Variants in NUDT7 observed in about 807,000 individuals in gnomAD.
NUDT7 encodes nudix hydrolase 7.
A neutral mutation model predicts 13.1 loss-of-function variants in NUDT7; 19 were observed. That is an observed-to-expected ratio of 1.45 (90% CI 1.01 to 2.13). The LOEUF (loss-of-function observed/expected upper bound fraction) is 2.13. NUDT7 is among the 30% of genes most tolerant of loss of function. The pLI, the probability that NUDT7 is intolerant of heterozygous loss-of-function variation, is 0.00. For synonymous variants in NUDT7, 132 were observed against 109.7 expected (o/e 1.20, Z -1.27); for missense variants, 360 against 291.7 (o/e 1.23, Z -1.71).
chr16:77,738,744 C>T (rs2014567672), intron 3 of NUDT7, among the ~76,000 whole-genome samples: 1 of 152,206 alleles, frequency 6.6e-6, no homozygotes, highest in South Asian at 2.1e-4. Flanking sequence ...GTACCCGCTA[C>T]ATAAGCCTTC....
intron 2 of NUDT7, among the ~76,000 whole-genome samples, chr16:77,727,397 G>T (rs2014170761): frequency 7.4e-6 from 1 of 135,290 alleles, no homozygotes; most frequent in South Asian, 2.3e-4. Context: ...AAGTAGACTT[G>T]TGTGGATTGT....
intron 3 of NUDT7, chr16:77,737,277 G>A (rs2014517693): frequency 6.6e-6 from 1 of 152,172 alleles, no homozygotes; most frequent in South Asian, 2.1e-4. Flanking sequence ...TCTGGTCTGT[G>A]ATAGTTTATC....
At chr16:77,739,603 CTCA>C (rs2014595631) in intron 3 of NUDT7, among the ~76,000 whole-genome samples, 1 of 152,136 alleles carries the variant, frequency 6.6e-6, no homozygotes, top group Non-Finnish European at 1.5e-5. Context: ...GTATCTCAGT[CTCA>C]TCTGGTGACT....
chr16:77,739,752 C>A (rs537556449), intron 3 of NUDT7, among the ~76,000 whole-genome samples: 3 of 152,262 alleles, frequency 2.0e-5, no homozygotes, highest in Non-Finnish European at 4.4e-5. Flanking sequence ...ATACTGGTAC[C>A]CTTGATACTG....
At chr16:77,729,966 TATTACCACACAC>T (rs2014261540) in intron 2 of NUDT7, among the ~76,000 whole-genome samples, 1 of 118,934 alleles carries the variant, frequency 8.4e-6, no homozygotes, top group Admixed American at 9.1e-5. Flanking sequence ...CATAGTAACA[TATTACCACACAC>T]ATTACCTCAC....
chr16:77,729,002 A>G (rs2145110146), intron 2 of NUDT7, among the ~76,000 whole-genome samples: 1 of 152,274 alleles, frequency 6.6e-6, no homozygotes, highest in Non-Finnish European at 1.5e-5. Flanking sequence ...GGCAAGAGAA[A>G]ATTCAGGAAC....
intron 2 of NUDT7, among the ~76,000 whole-genome samples, chr16:77,730,406 T>C (rs2014284386): frequency 1.3e-5 from 2 of 152,188 alleles, no homozygotes; most frequent in East Asian, 3.8e-4. Context: ...TTACCTAACA[T>C]AATTTCCTCC....
intron 1 of NUDT7, among the ~76,000 whole-genome samples, chr16:77,723,592 C>CT (rs148451618): frequency 0.092 from 11,568 of 125,450 alleles, 875 homozygotes; most frequent in African/African-American, 0.15. Context: ...TTTGTATACA[C>CT]TTTTTTTTTT....
chr16:77,724,108 T>A (rs1011346532), intron 1 of NUDT7, among the ~76,000 whole-genome samples: 4 of 152,120 alleles, frequency 2.6e-5, no homozygotes, highest in African/African-American at 4.8e-5. Context: ...AGGGCCTCAC[T>A]CCCTTAGAAG....
intron 2 of NUDT7, among the ~76,000 whole-genome samples, chr16:77,731,637 A>AT (rs1045189027): frequency 3.3e-5 from 5 of 152,300 alleles, no homozygotes; most frequent in African/African-American, 1.2e-4. Flanking sequence ...TCTTCTACTT[A>AT]TTTTTTAAAA....
intron 2 of NUDT7, among the ~76,000 whole-genome samples, chr16:77,733,960 G>T (rs2014397884): frequency 6.6e-6 from 1 of 152,120 alleles, no homozygotes; most frequent in African/African-American, 2.4e-5. Context: ...AGATATGAGA[G>T]AAATAATTTT....
chr16:77,725,554 C>G lies in NUDT7; in HGVS notation c.159C>G (p.Leu53=). ...LLPLVAKEGK[L]HLLFTVRSEK... is the part of the protein sequence containing the mutation. ...CATTGGTGGCTAAAGAAGGAAAACT[C>G]CATTTGTTGTTCACCGTCCGGTCAG... Residue 53 remains leucine (L), a synonymous_variant, in exon 2 of 4, where the codon CTC becomes CTG. Transcript: ENST00000268533. 3 of 1,614,060 alleles carry G rather than the reference C, an allele frequency of 1.9e-6. No homozygotes were observed. Among genetic ancestry groups the G allele is most frequent in the Non-Finnish European group, 1.7e-6 (2 of 1,180,004 alleles).
chr16:77,729,719 C>T (rs772079327), intron 2 of NUDT7, among the ~76,000 whole-genome samples: 10 of 151,840 alleles, frequency 6.6e-5, no homozygotes, highest in South Asian at 2.1e-4. Flanking sequence ...CAGCTACTCG[C>T]GAGGCTGAGG....
At chr16:77,736,019 T>C in intron 3 of NUDT7, 33 bp downstream of exon 3, 1 of 1,603,638 alleles carries the variant, frequency 6.2e-7, no homozygotes, top group Non-Finnish European at 8.5e-7. Flanking sequence ...ATGAGCACCG[T>C]CCCCACCCCC....
At chr16:77,734,764 C>T (rs1265444068) in intron 2 of NUDT7, among the ~76,000 whole-genome samples, 2 of 152,004 alleles carry the variant, frequency 1.3e-5, no homozygotes, top group African/African-American at 4.8e-5. Flanking sequence ...ACCTCAAAAA[C>T]ATATGTGAAG....
intron 3 of NUDT7, among the ~76,000 whole-genome samples, chr16:77,741,182 G>A (rs1029207479): frequency 2.0e-5 from 3 of 152,146 alleles, no homozygotes; most frequent in African/African-American, 7.2e-5. Context: ...AGTGAAGAGT[G>A]ATAACTTTAG....
intron 3 of NUDT7, chr16:77,737,485 G>C (rs568295593): frequency 7.2e-6 from 1 of 138,268 alleles, no homozygotes; most frequent in Non-Finnish European, 1.5e-5. Flanking sequence ...TTTTTTTTTT[G>C]TTGTTGTTGT....
chr16:77,737,772 A>T (rs1473175035), intron 3 of NUDT7, among the ~76,000 whole-genome samples: 7 of 152,192 alleles, frequency 4.6e-5, no homozygotes, highest in Non-Finnish European at 4.4e-5. Flanking sequence ...GACGTGAGCC[A>T]CCACACCCAG....
intron 1 of NUDT7, 108 bp downstream of exon 1, chr16:77,722,725 A>T: frequency 9.6e-7 from 1 of 1,046,554 alleles, no homozygotes; most frequent in Non-Finnish European, 1.4e-6. Flanking sequence ...AGCTCCCGCC[A>T]GTCCACCTGC....
Sources: gnomAD v4.1 joint callset for allele counts (sites outside exome capture counted in the v4.1 genomes callset) on GRCh38, gnomAD v4.1.1 for gene constraint, MANE v1.5 for transcripts, NCBI Gene and HGNC (gene_info 2026-07-23, HGNC 2026-07-21) for gene names.